CNTLN: variants seen among roughly 807,000 people sequenced by gnomAD.
The protein encoded by CNTLN is centlein, also known as centlein, centrosomal protein.
CNTLN carries 212 observed loss-of-function variants against 180.0 expected under a neutral mutation model. The ratio of observed to expected loss-of-function variants is 1.18; its 90% CI spans 1.05 to 1.32. CNTLN has a LOEUF of 1.32. CNTLN is among the 40% of genes most tolerant of loss of function. The probability of loss-of-function intolerance (pLI) is 0.00; values close to 1 mark genes in which losing one functional copy is unlikely to be tolerated. For missense variants in CNTLN, 2,095 were observed against 1,610.9 expected, an observed-to-expected ratio of 1.30 and a Z score of -5.14; for synonymous variants, 722 against 563.1, an observed-to-expected ratio of 1.28 and a Z score of -3.99.
chr9:17,284,373 C>T (rs762824276), intron 6 of CNTLN, among the ~76,000 whole-genome samples: 29 of 152,290 alleles, frequency 1.9e-4, no homozygotes, highest in Middle Eastern at 6.8e-3. Flanking sequence ...TAGAATTCAG[C>T]TGTAAATCCA....
intron 18 of CNTLN, among the ~76,000 whole-genome samples, chr9:17,417,717 C>G (rs752380298): frequency 1.1e-4 from 17 of 151,948 alleles, no homozygotes; most frequent in Non-Finnish European, 1.0e-4. Context: ...ATTGCATACA[C>G]TATGAGAAAA....
At chr9:17,512,847 T>G in the CNTLN span, among the ~76,000 whole-genome samples, 4 of 152,140 alleles carry the variant, frequency 2.6e-5, no homozygotes, top group African/African-American at 7.2e-5. Flanking sequence ...GATGGAGTCT[T>G]GCTCTGTCAC....
At chr9:17,165,496 C>G (rs1300927056) in intron 2 of CNTLN, among the ~76,000 whole-genome samples, 1 of 152,110 alleles carries the variant, frequency 6.6e-6, no homozygotes, top group Non-Finnish European at 1.5e-5. Context: ...GTAGAAATTT[C>G]TAGTAATAGG....
intron 10 of CNTLN, among the ~76,000 whole-genome samples, chr9:17,335,119 T>A (rs1820917813): frequency 6.6e-6 from 1 of 152,190 alleles, no homozygotes; most frequent in Non-Finnish European, 1.5e-5. Flanking sequence ...GCTTTTATTC[T>A]ATTGAGGTTT....
At chr9:17,270,613 T>C (rs1441020245) in intron 5 of CNTLN, among the ~76,000 whole-genome samples, 1 of 152,130 alleles carries the variant, frequency 6.6e-6, no homozygotes, top group Non-Finnish European at 1.5e-5. Flanking sequence ...ATAAAATGAG[T>C]TGAGAACATC....
At chr9:17,254,175 T>G (rs1826328248) in intron 5 of CNTLN, among the ~76,000 whole-genome samples, 1 of 151,710 alleles carries the variant, frequency 6.6e-6, no homozygotes, top group Non-Finnish European at 1.5e-5. Context: ...CATATGCTTC[T>G]TGGCCACTTG....
chr9:17,419,325 A>T (rs1486381961), intron 18 of CNTLN, among the ~76,000 whole-genome samples: 1 of 152,162 alleles, frequency 6.6e-6, no homozygotes, highest in African/African-American at 2.4e-5. Flanking sequence ...TATTCTATAG[A>T]TGGAATATAT....
intron 13 of CNTLN, among the ~76,000 whole-genome samples, chr9:17,387,091 T>C (rs1351160846): frequency 6.6e-6 from 1 of 152,182 alleles, no homozygotes; most frequent in Non-Finnish European, 1.5e-5. Flanking sequence ...GAAGTTTTAA[T>C]TGGGTATGTC....
At chr9:17,333,976 G>A (rs954364745) in intron 10 of CNTLN, among the ~76,000 whole-genome samples, 5 of 152,128 alleles carry the variant, frequency 3.3e-5, no homozygotes, top group African/African-American at 1.2e-4. Flanking sequence ...GTTAACTCTT[G>A]TGTTAATTGT....
chr9:17,442,557 C>A (rs533226887), intron 18 of CNTLN, among the ~76,000 whole-genome samples: 23 of 152,208 alleles, frequency 1.5e-4, no homozygotes, highest in Non-Finnish European at 2.8e-4. Flanking sequence ...AGCCACCATG[C>A]CTGGCTAATT....
chr9:17,349,242 C>A (rs1022141125), intron 12 of CNTLN, among the ~76,000 whole-genome samples: 1 of 152,100 alleles, frequency 6.6e-6, no homozygotes, highest in African/African-American at 2.4e-5. Flanking sequence ...ATAAATACAT[C>A]TACTCCTTGT....
intron 15 of CNTLN, among the ~76,000 whole-genome samples, chr9:17,396,892 A>C (rs1325467976): frequency 1.3e-5 from 2 of 152,206 alleles, no homozygotes; most frequent in Middle Eastern, 3.2e-3. Flanking sequence ...CCAAAGGACC[A>C]AATCTGCATT....
intron 6 of CNTLN, among the ~76,000 whole-genome samples, chr9:17,275,521 A>G (rs533191705): frequency 1.9e-4 from 29 of 152,216 alleles, no homozygotes; most frequent in Middle Eastern, 6.8e-3. Context: ...CATATTGTCA[A>G]TCTTCTTAAA....
At chr9:17,264,001 C>T (rs1195145341) in intron 5 of CNTLN, among the ~76,000 whole-genome samples, 1 of 145,660 alleles carries the variant, frequency 6.9e-6, no homozygotes, top group Admixed American at 6.8e-5. Flanking sequence ...GTTGCCTGTT[C>T]ACTCTGATGA....
intron 8 of CNTLN, among the ~76,000 whole-genome samples, chr9:17,314,561 C>A (rs76653156): frequency 6.6e-6 from 1 of 152,304 alleles, no homozygotes; most frequent in East Asian, 1.9e-4. Context: ...TTGACTCTCT[C>A]TTTTCTGGAA....
intron 2 of CNTLN, among the ~76,000 whole-genome samples, chr9:17,185,832 G>T (rs1034585121): frequency 2.1e-4 from 30 of 142,402 alleles, no homozygotes. Context: ...CTGCTCTGTT[G>T]CCCAGGCTAG....
chr9:17,442,019 T>G (rs1162957848), intron 18 of CNTLN, among the ~76,000 whole-genome samples: 1 of 152,062 alleles, frequency 6.6e-6, no homozygotes, highest in Admixed American at 6.5e-5. Flanking sequence ...ACCTCAGAAC[T>G]CCTGTATGTA....
chr9:17,284,832 C>T (rs1324390534), intron 6 of CNTLN, among the ~76,000 whole-genome samples: 1 of 151,716 alleles, frequency 6.6e-6, no homozygotes, highest in African/African-American at 2.4e-5. Flanking sequence ...TTCTCTATTT[C>T]TTTTAGTTTT....
intron 8 of CNTLN, among the ~76,000 whole-genome samples, chr9:17,318,307 G>A (rs539564620): frequency 9.2e-5 from 14 of 152,204 alleles, no homozygotes; most frequent in African/African-American, 1.7e-4. Flanking sequence ...GGGATTACAG[G>A]CGTGAGCCAC....
Sources: allele counts gnomAD v4.1 joint callset (sites outside exome capture counted in the v4.1 genomes callset), GRCh38; gene constraint gnomAD v4.1.1; transcripts MANE v1.5; gene names NCBI Gene and HGNC (gene_info 2026-07-23, HGNC 2026-07-21).